SESN1: variants seen among roughly 807,000 people sequenced by gnomAD.
SESN1 encodes sestrin 1, also known as sestrin-1.
A neutral mutation model predicts 59.3 loss-of-function variants in SESN1; 30 were observed. The observed-to-expected ratio is 0.51, with a 90% CI of 0.38 to 0.69. SESN1 has a LOEUF of 0.69. SESN1 is among the 30% of genes least tolerant of loss of function. The pLI is 0.00. For missense variants in SESN1, 566 were observed against 673.0 expected (o/e 0.84, Z 1.76); for synonymous variants, 197 against 219.9 (o/e 0.90, Z 0.92).
intron 1 of SESN1, among the ~76,000 whole-genome samples, chr6:109,076,554 T>C (rs1192763978): frequency 6.6e-6 from 1 of 152,118 alleles, no homozygotes; most frequent in Non-Finnish European, 1.5e-5. Context: ...AAGTTATAGT[T>C]ACATGTTCAT....
chr6:109,015,830 CTG>C (rs1562460573), intron 1 of SESN1, among the ~76,000 whole-genome samples: 1 of 152,110 alleles, frequency 6.6e-6, no homozygotes, highest in African/African-American at 2.4e-5. Context: ...TGAATATACT[CTG>C]TGTTGTATAA....
intron 1 of SESN1, 40 bp downstream of exon 1, chr6:109,093,755 G>A (rs774153194): frequency 1.3e-5 from 21 of 1,583,670 alleles, no homozygotes; most frequent in Non-Finnish European, 1.6e-5. Flanking sequence ...AAATTTAACT[G>A]TAGTAGAGAC....
chr6:109,034,211 ACTC>A (rs1295430167), intron 1 of SESN1, among the ~76,000 whole-genome samples: 1 of 152,050 alleles, frequency 6.6e-6, no homozygotes, highest in Non-Finnish European at 1.5e-5. Flanking sequence ...CCATGACTTT[ACTC>A]CTCCTCTTTG....
intron 1 of SESN1, among the ~76,000 whole-genome samples, chr6:109,018,439 TA>T (rs1779959724): frequency 6.6e-6 from 1 of 152,222 alleles, no homozygotes; most frequent in East Asian, 1.9e-4. Flanking sequence ...TCAGCTGAAG[TA>T]AAACTATAAT....
chr6:108,994,140 TAAAAAAAA>T (rs764125940), intron 6 of SESN1, among the ~76,000 whole-genome samples: 2 of 100,266 alleles, frequency 2.0e-5, no homozygotes, highest in South Asian at 6.6e-4. Context: ...CCCTGTTTCT[TAAAAAAAA>T]AAAAAAAAAA....
At position 109,069,022 on chromosome 6, in the gene SESN1, G is replaced by A. The variant is rs1426930483; in HGVS notation, c.279+24773C>T. 3.9e-5 allele frequency among the ~76,000 whole-genome samples: 6 copies of A among 151,916 alleles called. No individual in the cohort carries two copies. The South Asian group carries it at 6.2e-4, about 16-fold the overall frequency. On this transcript the variant is annotated intron_variant, in intron 1 of 9. Coordinates refer to ENST00000436639, the MANE Select transcript of SESN1 (RefSeq NM_014454.3). ...CAGGTGTGAGCCACCGCGCCCAGCC[G>A]AAATTTCAAACTCTAAAGATAAATG... is the stretch of plus-strand genomic sequence containing the variant.
chr6:109,027,249 G>A (rs1481930251), intron 1 of SESN1, among the ~76,000 whole-genome samples: 1 of 151,970 alleles, frequency 6.6e-6, no homozygotes, highest in African/African-American at 2.4e-5. Flanking sequence ...GAGGTGGGCA[G>A]ATTGCCTGAG....
intron 1 of SESN1, among the ~76,000 whole-genome samples, chr6:109,003,781 A>C (rs1032229563): frequency 2.6e-5 from 4 of 152,224 alleles, no homozygotes; most frequent in African/African-American, 9.6e-5. Flanking sequence ...CACCAATAGC[A>C]GCCATTTATA....
At chr6:109,042,427 T>C (rs1780357130) in intron 1 of SESN1, among the ~76,000 whole-genome samples, 1 of 149,008 alleles carries the variant, frequency 6.7e-6, no homozygotes, top group Admixed American at 6.7e-5. Context: ...GCTGGTTCTT[T>C]GAAAAGAAAA....
intron 1 of SESN1, among the ~76,000 whole-genome samples, chr6:109,022,655 C>T (rs1780030918): frequency 6.6e-6 from 1 of 151,956 alleles, no homozygotes; most frequent in Admixed American, 6.6e-5. Context: ...ACCTCGTGAT[C>T]TGTCCGCCTC....
chr6:109,039,888 G>C (rs1016282330), intron 1 of SESN1, among the ~76,000 whole-genome samples: 1 of 152,206 alleles, frequency 6.6e-6, no homozygotes, highest in African/African-American at 2.4e-5. Context: ...AGCAGGATGG[G>C]AGAGAGGAGA....
At chr6:109,028,835 GAAC>G (rs1054093875) in intron 1 of SESN1, among the ~76,000 whole-genome samples, 3 of 152,138 alleles carry the variant, frequency 2.0e-5, no homozygotes, top group Non-Finnish European at 2.9e-5. Context: ...TATCAGAAAA[GAAC>G]AACCCCCAAA....
intron 1 of SESN1, among the ~76,000 whole-genome samples, chr6:109,085,128 GA>G (rs1230968760): frequency 0.031 from 3,721 of 120,728 alleles, 149 homozygotes; most frequent in African/African-American, 0.1. Flanking sequence ...GCAACCAACA[GA>G]AAAAAAAAAA....
At chr6:108,992,739 G>T in intron 7 of SESN1, 48 bp downstream of exon 7, 1 of 1,189,878 alleles carries the variant, frequency 8.4e-7, no homozygotes, top group South Asian at 1.2e-5. Context: ...TTTTAAGTCA[G>T]ACTGAGATAT....
chr6:109,058,224 A>G (rs573774030), intron 1 of SESN1, among the ~76,000 whole-genome samples: 21 of 152,150 alleles, frequency 1.4e-4, no homozygotes, highest in Non-Finnish European at 2.8e-4. Context: ...AGCTGGACCT[A>G]CAGGCACACA....
At chr6:109,061,550 T>TCC (rs1423967005) in intron 1 of SESN1, among the ~76,000 whole-genome samples, 3 of 152,212 alleles carry the variant, frequency 2.0e-5, no homozygotes, top group African/African-American at 7.2e-5. Flanking sequence ...ATACCTGTTA[T>TCC]CCCAGCACTC....
At chr6:109,002,253 C>T (rs780512289) in intron 2 of SESN1, 25 bp downstream of exon 2, 1 of 1,602,348 alleles carries the variant, frequency 6.2e-7, no homozygotes, top group Non-Finnish European at 8.6e-7. Context: ...ATACAGTTCA[C>T]TATGTACTTT....
chr6:108,990,918 C>A, intron 7 of SESN1, 83 bp from the exon 8 acceptor site: 1 of 1,228,378 alleles, frequency 8.1e-7, no homozygotes. Flanking sequence ...TGGTAAAAAT[C>A]ATTGTCATTT....
intron 7 of SESN1, 50 bp from the exon 8 acceptor site, chr6:108,990,885 T>C: frequency 1.4e-6 from 2 of 1,472,404 alleles, no homozygotes; most frequent in Non-Finnish European, 1.9e-6. Flanking sequence ...CAAGTACAGT[T>C]CTATATCTAT....
Sources: allele counts gnomAD v4.1 joint callset (sites outside exome capture counted in the v4.1 genomes callset), GRCh38; gene constraint gnomAD v4.1.1; transcripts MANE v1.5; gene names NCBI Gene and HGNC (gene_info 2026-07-23, HGNC 2026-07-21).